Variants in HIVEP1 observed in about 807,000 individuals in gnomAD.
HIVEP1 encodes zinc finger protein 40.
HIVEP1 carries 36 observed loss-of-function variants against 180.0 expected under a neutral mutation model. The observed-to-expected ratio is 0.20, with a 90% CI of 0.15 to 0.26. The LOEUF is 0.26. Among genes scored for constraint, HIVEP1 ranks in the 10% least tolerant of loss-of-function variants. The pLI is 1.00. For missense variants in HIVEP1, 3,143 were observed against 3,268.7 expected, an observed-to-expected ratio of 0.96 and a Z score of 0.94; for synonymous variants, 1,239 against 1,239.0, an observed-to-expected ratio of 1.00 and a Z score of 0.00.
At chr6:12,159,976 A>T (rs1159819188) in intron 7 of HIVEP1, among the ~76,000 whole-genome samples, 1 of 152,234 alleles carries the variant, frequency 6.6e-6, no homozygotes, top group African/African-American at 2.4e-5. Flanking sequence ...AAAAAGTAAA[A>T]AATTAATATC....
Position 12,123,110 on chromosome 6 carries a change from T to G in HIVEP1, c.3315T>G (p.Asp1105Glu). ...LVARGPEQTMDPKLSTIMEQQ... is the reference protein window; with the variant it reads ...LVARGPEQTMEPKLSTIMEQQ... ...CCAGGGGCCCTGAGCAGACCATGGA[T>G]CCCAAGCTGTCGACCATCATGGAAC... Residue 1105 changes from aspartate (D) to glutamate (E), a missense_variant, in exon 4 of 9, where the codon GAT (aspartate) becomes GAG (glutamate). Asp to Glu is a conservative substitution (Grantham distance 45). Coordinates refer to ENST00000379388, the MANE Select transcript of HIVEP1 (RefSeq NM_002114.4). 1 of 1,614,076 alleles carries G rather than the reference T, an allele frequency of 6.2e-7. No individual in the cohort carries two copies. Among genetic ancestry groups the G allele is most frequent in the African/African-American group, 1.3e-5 (1 of 75,002 alleles).
At chr6:12,135,752 C>T in intron 6 of HIVEP1, 39 bp from the exon 7 acceptor site, 1 of 1,326,570 alleles carries the variant, frequency 7.5e-7, no homozygotes, top group Non-Finnish European at 1.1e-6. Context: ...ATAGCAAAAT[C>T]ATACTACTTA....
Position 12,122,792 on chromosome 6 carries a change from C to A in HIVEP1, c.2997C>A (p.His999Gln), listed in dbSNP as rs1220165007. 3.1e-6 allele frequency: 5 copies of A among 1,613,102 alleles called. No individual in the cohort carries two copies. The African/African-American group carries it at 4.0e-5, about 13-fold the overall frequency. The change falls in exon 4 of 9, where the codon CAC (histidine) becomes CAA (glutamine). Residue 999 changes from histidine to glutamine, a missense_variant. Around this residue, in one of 12 missense-constraint regions of HIVEP1, gnomAD observed 1,357 missense variants for 1,260.5 expected, o/e 1.08. Transcript: ENST00000379388. Reference sequence around the variant, plus strand: ...AGGTAGCCATGAGAGAACCTGAGCACAGCCCTGTGCCCGGCGGTCTGCAGC... The same window carrying A: ...AGGTAGCCATGAGAGAACCTGAGCAAAGCCCTGTGCCCGGCGGTCTGCAGC... The part of the protein sequence containing the change: ...KTKVAMREPE[H>Q]SPVPGGLQPQ...
rs767169443 is a variant in HIVEP1, at chr6:12,124,589, A to G, written c.4794A>G (p.Ser1598=). 4 of 1,614,044 alleles carry G rather than the reference A, an allele frequency of 2.5e-6. No homozygotes were observed. In the African/African-American group the frequency reaches 5.3e-5, roughly 22 times the overall value. The part of the protein sequence containing the change: ...DPVGTDHCVT[S]ATLPTKLIDS... ...TTGGAACAGATCATTGTGTGACATC[A>G]GCAACATTACCAACCAAATTAATTG... is the stretch of plus-strand genomic sequence containing the variant. The change falls in exon 4 of 9, where the codon TCA becomes TCG. Residue 1598 remains serine, a synonymous_variant. Transcript: ENST00000379388.
intron 2 of HIVEP1, among the ~76,000 whole-genome samples, chr6:12,054,592 G>A (rs768946022): frequency 6.6e-6 from 1 of 152,010 alleles, no homozygotes; most frequent in African/African-American, 2.4e-5. Flanking sequence ...GTATTTTTCG[G>A]TGTCATTAAA....
chr6:12,136,040 A>T, intron 7 of HIVEP1, 148 bp downstream of exon 7: 1 of 514,850 alleles, frequency 1.9e-6, no homozygotes, highest in Non-Finnish European at 3.5e-6. Flanking sequence ...TAGTTTTTCC[A>T]TGTCTAGATT....
chr6:12,014,051 G>A (rs1767578114), intron 1 of HIVEP1, among the ~76,000 whole-genome samples: 1 of 152,186 alleles, frequency 6.6e-6, no homozygotes, highest in South Asian at 2.1e-4. Flanking sequence ...CAGCGTTTTT[G>A]TGTGACAGGC....
chr6:12,020,641 G>A (rs1377424830), intron 2 of HIVEP1, among the ~76,000 whole-genome samples: 1 of 151,956 alleles, frequency 6.6e-6, no homozygotes, highest in Non-Finnish European at 1.5e-5. Context: ...GTGTTTCAAA[G>A]CTTTGAAAAA....
At chr6:12,204,813 A>T in the HIVEP1 span, among the ~76,000 whole-genome samples, 1 of 152,200 alleles carries the variant, frequency 6.6e-6, no homozygotes, top group Non-Finnish European at 1.5e-5. Context: ...CATGATCCTC[A>T]TGAAGCTTCC....
intron 2 of HIVEP1, among the ~76,000 whole-genome samples, chr6:12,073,964 A>G (rs1293109086): frequency 1.3e-5 from 2 of 151,976 alleles, no homozygotes; most frequent in East Asian, 3.9e-4. Context: ...CACACTCCCC[A>G]CCTCACTACT....
rs984218870 is a variant in HIVEP1 at position 12,159,140 on chromosome 6, C to T, written c.6488-2299C>T. Among the ~76,000 whole-genome samples, 9 of 152,006 alleles carry T rather than the reference C, an allele frequency of 5.9e-5. No individual in the cohort carries two copies. The South Asian group carries it at 8.3e-4, about 14-fold the overall frequency. On this transcript the variant is annotated intron_variant, in intron 7 of 8. Coordinates refer to ENST00000379388, the MANE Select transcript of HIVEP1 (RefSeq NM_002114.4). Reference sequence around the variant, plus strand: ...TTGGGCTGTTGATTATCTGGGACCTCGGCTTATTGATGGGTTTGGAAAAAG... The same window carrying T: ...TTGGGCTGTTGATTATCTGGGACCTTGGCTTATTGATGGGTTTGGAAAAAG...
chr6:12,104,313 A>G (rs1407454203), intron 3 of HIVEP1, among the ~76,000 whole-genome samples: 1 of 147,432 alleles, frequency 6.8e-6, no homozygotes, highest in Non-Finnish European at 1.5e-5. Context: ...TGGATATTGT[A>G]TCCTTTGGTC....
chr6:12,022,764 C>A (rs1285363023), intron 2 of HIVEP1, among the ~76,000 whole-genome samples: 1 of 152,200 alleles, frequency 6.6e-6, no homozygotes, highest in African/African-American at 2.4e-5. Flanking sequence ...TACATAAAAT[C>A]TGTAAATGCA....
intron 3 of HIVEP1, among the ~76,000 whole-genome samples, chr6:12,100,505 A>G (rs1029808381): frequency 1.3e-5 from 2 of 152,240 alleles, no homozygotes; most frequent in African/African-American, 2.4e-5. Flanking sequence ...AGAGACAGAC[A>G]TAACACTGAC....
chr6:12,040,844 G>A (rs1314740244), intron 2 of HIVEP1, among the ~76,000 whole-genome samples: 1 of 151,930 alleles, frequency 6.6e-6, no homozygotes, highest in African/African-American at 2.4e-5. Flanking sequence ...AGAGGGAGTA[G>A]GCACATCGCA....
At chr6:12,179,340 C>T in the HIVEP1 span, among the ~76,000 whole-genome samples, 3 of 151,998 alleles carry the variant, frequency 2.0e-5, no homozygotes, top group East Asian at 5.8e-4. Flanking sequence ...CTGTTCCTCA[C>T]CTCCTATCAT....
the HIVEP1 span, among the ~76,000 whole-genome samples, chr6:12,212,018 G>A: frequency 3.5e-4 from 53 of 152,324 alleles, no homozygotes; most frequent in African/African-American, 1.1e-3. Context: ...AACTGAAGAA[G>A]ACATGCCCCG....
chr6:12,120,132 G>A lies in HIVEP1; in HGVS notation c.337G>A (p.Gly113Arg), dbSNP rs1775475100. ...TGGGAAGCAGTTTACCAAACAAAAT[G>A]GAGAAACACCTGGAATAATTGCTGA... ...KNGKQFTKQNGETPGIIAEAS... is the reference protein window; with the variant it reads ...KNGKQFTKQNRETPGIIAEAS... The change falls in exon 4 of 9, where the codon GGA becomes AGA. Residue 113 changes from glycine (G) to arginine (R), a missense_variant. Gly to Arg is a moderately radical substitution (Grantham distance 125). Transcript: ENST00000379388. The A allele has an allele frequency of 3.1e-5, 50 of 1,613,814 alleles. No homozygotes were observed. Among genetic ancestry groups the A allele is most frequent in the Non-Finnish European group, 4.2e-5 (50 of 1,179,940 alleles).
At chr6:12,065,708 T>C (rs1326392773) in intron 2 of HIVEP1, among the ~76,000 whole-genome samples, 3 of 151,580 alleles carry the variant, frequency 2.0e-5, no homozygotes, top group Non-Finnish European at 4.4e-5. Context: ...TGTGTGTGTG[T>C]GTGTGCATTG....
Sources: gnomAD v4.1 joint callset for allele counts (sites outside exome capture counted in the v4.1 genomes callset) on GRCh38, gnomAD v4.1.1 for gene constraint, gnomAD v4.1.1 regional missense constraint, MANE v1.5 for transcripts, NCBI Gene and HGNC (gene_info 2026-07-23, HGNC 2026-07-21) for gene names.